The following ATF7IP2 variants were observed in gnomAD, a reference collection of about 807,000 sequenced individuals.
The protein encoded by ATF7IP2 is activating transcription factor 7 interacting protein 2.
A neutral mutation model predicts 64.2 loss-of-function variants in ATF7IP2; 42 were observed. The observed-to-expected ratio is 0.65, with a 90% CI of 0.51 to 0.85. The LOEUF is 0.85. ATF7IP2 is among the 40% of genes least tolerant of loss of function. The probability of loss-of-function intolerance (pLI) is 0.00; values close to 1 mark genes in which losing one functional copy is unlikely to be tolerated. For synonymous variants in ATF7IP2, 308 were observed against 272.8 expected (o/e 1.13, Z -1.27); for missense variants, 933 against 784.2 (o/e 1.19, Z -2.27).
At chr16:10,392,707 G>A (rs1327486534) in intron 1 of ATF7IP2, among the ~76,000 whole-genome samples, 9 of 152,026 alleles carry the variant, frequency 5.9e-5, no homozygotes, top group Admixed American at 4.6e-4. Context: ...CCATTTATAG[G>A]CCAGGCACAG....
At chr16:10,439,533 CTTTT>C (rs760337763) in intron 7 of ATF7IP2, among the ~76,000 whole-genome samples, 1 of 102,968 alleles carries the variant, frequency 9.7e-6, no homozygotes, top group Admixed American at 1.1e-4. Flanking sequence ...CGCCCCCAGC[CTTTT>C]TTTTTTTTTT....
intron 3 of ATF7IP2, among the ~76,000 whole-genome samples, chr16:10,426,814 G>C (rs1452576002): frequency 6.6e-6 from 1 of 151,854 alleles, no homozygotes; most frequent in Non-Finnish European, 1.5e-5. Context: ...ATATAACAAA[G>C]GATTGACAAG....
At chr16:10,470,399 G>A (rs978603302) in intron 9 of ATF7IP2, among the ~76,000 whole-genome samples, 11 of 152,116 alleles carry the variant, frequency 7.2e-5, no homozygotes, top group African/African-American at 2.7e-4. Context: ...GGTGAGATAT[G>A]TAACTTTCAT....
rs1465749096 is a variant in ATF7IP2 at position 10,457,497 on chromosome 16, G to C, written c.1320G>C (p.Leu440Phe). Residue 440 changes from leucine (L) to phenylalanine (F), a missense_variant, in exon 9 of 14, where the codon TTG becomes TTC. By Grantham distance (22) the Leu-to-Phe change is conservative. Coordinates refer to ENST00000562102, the MANE Select transcript of ATF7IP2 (RefSeq NM_001393719.1). ...AAAAAGGAAGTAAAAAAATTAATTT[G>C]TCATCAGATCAAAATAAGTCTGTTT... ...PSEKGSKKIN[L>F]SSDQNKSVSE... 3 of 1,595,472 alleles carry C rather than the reference G, an allele frequency of 1.9e-6. No homozygotes were observed. The highest frequency in any genetic ancestry group is 3.6e-5 in the Admixed American group (2 of 55,574).
intron 1 of ATF7IP2, among the ~76,000 whole-genome samples, chr16:10,412,443 T>A (rs1216408799): frequency 6.6e-6 from 1 of 152,218 alleles, no homozygotes; most frequent in Non-Finnish European, 1.5e-5. Flanking sequence ...CCAGTGATCA[T>A]TCAGGAGCAG....
intron 8 of ATF7IP2, chr16:10,448,576 T>C (rs1456495433): frequency 1.3e-5 from 2 of 152,194 alleles, no homozygotes; most frequent in African/African-American, 2.4e-5. Context: ...TATTGGTATA[T>C]AGGAATGCTT....
intron 8 of ATF7IP2, among the ~76,000 whole-genome samples, chr16:10,442,674 G>C (rs1038374597): frequency 1.3e-5 from 2 of 152,154 alleles, no homozygotes; most frequent in Non-Finnish European, 2.9e-5. Flanking sequence ...ATGAGGGGCT[G>C]TATTGTTAGG....
At chr16:10,451,444 G>A (rs760247868) in intron 8 of ATF7IP2, among the ~76,000 whole-genome samples, 5 of 151,960 alleles carry the variant, frequency 3.3e-5, no homozygotes, top group East Asian at 1.9e-4. Context: ...TGTCACTTTC[G>A]GGTACAACAA....
At chr16:10,424,057 T>A (rs2048037888) in intron 3 of ATF7IP2, among the ~76,000 whole-genome samples, 1 of 152,246 alleles carries the variant, frequency 6.6e-6, no homozygotes, top group African/African-American at 2.4e-5. Context: ...AGATTATAGT[T>A]TAAATCGGGA....
chr16:10,465,899 A>G (rs1361049629), intron 9 of ATF7IP2, among the ~76,000 whole-genome samples: 1 of 152,164 alleles, frequency 6.6e-6, no homozygotes, highest in East Asian at 1.9e-4. Flanking sequence ...ATATACAGAC[A>G]TAATTTTTAA....
intron 2 of ATF7IP2, among the ~76,000 whole-genome samples, chr16:10,416,225 TAAAG>T (rs1167335908): frequency 2.0e-5 from 3 of 152,188 alleles, no homozygotes; most frequent in African/African-American, 7.2e-5. Context: ...GATAAATGGA[TAAAG>T]AAAATGTGGT....
At chr16:10,434,790 G>T (rs887604903) in intron 6 of ATF7IP2, among the ~76,000 whole-genome samples, 2 of 151,660 alleles carry the variant, frequency 1.3e-5, no homozygotes, top group African/African-American at 4.9e-5. Context: ...GAAGTGAGAA[G>T]TAAGTTTTTG....
At chr16:10,464,727 A>C (rs1168425162) in intron 9 of ATF7IP2, among the ~76,000 whole-genome samples, 1 of 152,242 alleles carries the variant, frequency 6.6e-6, no homozygotes, top group Non-Finnish European at 1.5e-5. Context: ...GTTTACAGAG[A>C]TGGAAAGGGG....
At chr16:10,468,383 A>G (rs1428455716) in intron 9 of ATF7IP2, among the ~76,000 whole-genome samples, 1 of 152,202 alleles carries the variant, frequency 6.6e-6, no homozygotes, top group East Asian at 1.9e-4. Context: ...GTCAACAGCT[A>G]CAGGAACTGA....
chr16:10,416,111 A>G (rs1275677435), intron 2 of ATF7IP2, among the ~76,000 whole-genome samples: 1 of 152,238 alleles, frequency 6.6e-6, no homozygotes, highest in Non-Finnish European at 1.5e-5. Context: ...ATATACCCAA[A>G]TGAAAGGAAA....
chr16:10,481,777 T>G (rs1596654238), intron 13 of ATF7IP2, 59 bp from the exon 14 acceptor site: 1 of 1,353,314 alleles, frequency 7.4e-7, no homozygotes, highest in Non-Finnish European at 1.0e-6. Flanking sequence ...GAAATATATA[T>G]TTCTACAACT....
chr16:10,409,243 A>G (rs536851006), intron 1 of ATF7IP2, among the ~76,000 whole-genome samples: 1 of 152,152 alleles, frequency 6.6e-6, no homozygotes, highest in Non-Finnish European at 1.5e-5. Context: ...GAAGGGTGGA[A>G]TGGGTGCAGA....
chr16:10,430,661 C>T lies in ATF7IP2; in HGVS notation c.41C>T (p.Ala14Val). The change falls in exon 5 of 14, where the codon GCC (alanine) becomes GTC (valine). Residue 14 changes from alanine (A) to valine (V), a missense_variant. By Grantham distance (64) the Ala-to-Val change is moderately conservative. Transcript: ENST00000562102. ...PDRSKRKILKAKKTMPLSCRK... is the reference protein window; with the variant it reads ...PDRSKRKILKVKKTMPLSCRK... ...AGAAGTAAACGGAAGATATTAAAAG[C>T]CAAAAAGACAATGCCCCTAAGTTGC... The T allele has an allele frequency of 1.2e-6, 2 of 1,613,748 alleles. No homozygotes were observed. Among genetic ancestry groups the T allele is most frequent in the Non-Finnish European group, 1.7e-6 (2 of 1,179,900 alleles).
At chr16:10,463,298 T>C (rs1454575851) in intron 9 of ATF7IP2, among the ~76,000 whole-genome samples, 15 of 152,234 alleles carry the variant, frequency 9.9e-5, no homozygotes, top group Admixed American at 9.8e-4. Flanking sequence ...GCACCTGTGA[T>C]GGATTTTAAA....
Sources: gnomAD v4.1 joint callset for allele counts (sites outside exome capture counted in the v4.1 genomes callset) on GRCh38, gnomAD v4.1.1 for gene constraint, MANE v1.5 for transcripts, NCBI Gene and HGNC (gene_info 2026-07-23, HGNC 2026-07-21) for gene names.